PIK3CB: variants seen among roughly 807,000 people sequenced by gnomAD.
PIK3CB encodes phosphatidylinositol 4,5-bisphosphate 3-kinase catalytic subunit beta isoform.
A neutral mutation model predicts 136.8 loss-of-function variants in PIK3CB; 39 were observed. That is an observed-to-expected ratio of 0.29 (90% confidence interval 0.22 to 0.37). The LOEUF (loss-of-function observed/expected upper bound fraction) is 0.37. Ranked by LOEUF, PIK3CB falls within the 10% of genes least tolerant of loss-of-function variation. The pLI, the probability that PIK3CB is intolerant of heterozygous loss-of-function variation, is 1.00. For missense variants in PIK3CB, 868 were observed against 1,275.4 expected (o/e 0.68, Z 4.87); for synonymous variants, 428 against 436.6 (o/e 0.98, Z 0.25).
intron 2 of PIK3CB, among the ~76,000 whole-genome samples, chr3:138,788,616 C>T (rs2108807218): frequency 7.3e-6 from 1 of 136,310 alleles, no homozygotes; most frequent in Non-Finnish European, 1.5e-5. Flanking sequence ...GAGATCATGC[C>T]ACTGCACTCA....
At chr3:138,773,608 G>GA (rs539444150) in intron 2 of PIK3CB, among the ~76,000 whole-genome samples, 2 of 151,746 alleles carry the variant, frequency 1.3e-5, no homozygotes, top group East Asian at 1.9e-4. Flanking sequence ...CCTTGAAATG[G>GA]AAAAAAAATT....
intron 11 of PIK3CB, 40 bp downstream of exon 11, chr3:138,707,119 A>G (rs760713200): frequency 8.5e-7 from 1 of 1,178,898 alleles, no homozygotes; most frequent in Admixed American, 1.7e-5. Context: ...TGATCATTCA[A>G]TCATTTCATG....
At chr3:138,669,327 G>A (rs978021654) in intron 19 of PIK3CB, among the ~76,000 whole-genome samples, 1 of 143,852 alleles carries the variant, frequency 7.0e-6, no homozygotes, top group African/African-American at 2.6e-5. Flanking sequence ...AAGATCACCT[G>A]AGCCCAAGGA....
chr3:138,762,085 A>G (rs1288062377), intron 2 of PIK3CB, among the ~76,000 whole-genome samples: 1 of 151,708 alleles, frequency 6.6e-6, no homozygotes, highest in Non-Finnish European at 1.5e-5. Context: ...TGTCTCTACT[A>G]AAAATACAAA....
At chr3:138,770,415 A>G (rs912589393) in intron 2 of PIK3CB, 1 of 152,158 alleles carries the variant, frequency 6.6e-6, no homozygotes, top group Non-Finnish European at 1.5e-5. Flanking sequence ...ATATTTAAAA[A>G]GAGATTTTTT....
At position 138,790,731 on chromosome 3, in the gene PIK3CB, G is replaced by A. The variant is rs539962886; in HGVS notation, c.-17+5732C>T. ...CGGGAGGCTGAGGCAGGAGAATGGC[G>A]TGAGCCCAGGAGGCAGAGCTTGCAG... On this transcript the variant is annotated intron_variant, in intron 2 of 23. Coordinates refer to ENST00000674063, the MANE Select transcript of PIK3CB (RefSeq NM_006219.3). Among the ~76,000 whole-genome samples, 6 of 150,876 alleles carry A rather than the reference G, an allele frequency of 4.0e-5. No homozygotes were observed. The East Asian group carries it at 5.9e-4, about 15-fold the overall frequency.
chr3:138,826,063 C>A (rs1933771414), intron 1 of PIK3CB: 1 of 1,187,096 alleles, frequency 8.4e-7, no homozygotes, highest in Non-Finnish European at 1.2e-6. Flanking sequence ...AGTTTGCTGA[C>A]CTGAAGGAAA....
At chr3:138,785,134 G>A (rs1474489837) in intron 2 of PIK3CB, among the ~76,000 whole-genome samples, 56 of 150,692 alleles carry the variant, frequency 3.7e-4, no homozygotes, top group African/African-American at 6.6e-4. Context: ...CGCCCCGTCC[G>A]GGAGGGAGAT....
At chr3:138,734,162 T>C (rs2045051468) in intron 7 of PIK3CB, among the ~76,000 whole-genome samples, 1 of 152,134 alleles carries the variant, frequency 6.6e-6, no homozygotes, top group South Asian at 2.1e-4. Context: ...TTTATACAAA[T>C]ATATTACATT....
intron 4 of PIK3CB, among the ~76,000 whole-genome samples, chr3:138,753,464 T>C (rs1196493574): frequency 6.6e-6 from 1 of 152,126 alleles, no homozygotes; most frequent in Non-Finnish European, 1.5e-5. Context: ...GAGGTTGCAG[T>C]GAGTCAAGAT....
At chr3:138,677,979 A>T (rs1284293987) in intron 19 of PIK3CB, among the ~76,000 whole-genome samples, 1 of 152,176 alleles carries the variant, frequency 6.6e-6, no homozygotes, top group Non-Finnish European at 1.5e-5. Context: ...GTATATAAAG[A>T]TTCTATATAA....
At chr3:138,789,013 T>G (rs1214280164) in intron 2 of PIK3CB, among the ~76,000 whole-genome samples, 32 of 135,100 alleles carry the variant, frequency 2.4e-4, no homozygotes, top group African/African-American at 8.4e-4. Context: ...CACCACAGAG[T>G]TTTTTTTTTA....
chr3:138,782,247 C>T (rs2045931029), intron 2 of PIK3CB, among the ~76,000 whole-genome samples: 1 of 152,122 alleles, frequency 6.6e-6, no homozygotes, highest in Admixed American at 6.5e-5. Flanking sequence ...TGTACTCGGG[C>T]CTGGATAAAG....
intron 8 of PIK3CB, among the ~76,000 whole-genome samples, chr3:138,722,698 AAAAAAAACCC>A (rs1377743879): frequency 6.6e-6 from 1 of 151,894 alleles, no homozygotes; most frequent in Admixed American, 6.6e-5. Flanking sequence ...AAGCTCAAAA[AAAAAAAACCC>A]AAAAAACCCT....
intron 12 of PIK3CB, among the ~76,000 whole-genome samples, chr3:138,701,213 T>TAA (rs563918379): frequency 1.5e-5 from 2 of 135,846 alleles, no homozygotes; most frequent in African/African-American, 2.7e-5. Context: ...CATTAAAGAT[T>TAA]AAAAAAAAAA....
intron 4 of PIK3CB, among the ~76,000 whole-genome samples, chr3:138,753,729 C>T (rs1224127395): frequency 1.3e-5 from 2 of 151,896 alleles, no homozygotes; most frequent in African/African-American, 4.8e-5. Flanking sequence ...TCACTTAAGC[C>T]TGGGAGGTTG....
At chr3:138,744,854 AGTT>A (rs1262556280) in intron 4 of PIK3CB, among the ~76,000 whole-genome samples, 1 of 152,156 alleles carries the variant, frequency 6.6e-6, no homozygotes. Context: ...ATCTCCATGA[AGTT>A]GTTTTCTGTT....
Position 138,687,820 on chromosome 3 carries a change from G to A in PIK3CB, c.2136+1055C>T, listed in dbSNP as rs58886202. ...TAGAATGTTGGGGGAGATGTAGGAA[G>A]GGAAACACGGGGTACAATTTAGATA... On this transcript the variant is annotated intron_variant, in intron 16 of 23. Transcript: ENST00000674063. Among the ~76,000 whole-genome samples, 584 of 152,240 alleles carry A rather than the reference G, an allele frequency of 3.8e-3. 4 individuals are homozygous for A. Among genetic ancestry groups the A allele is most frequent in the African/African-American group, 0.014 (564 of 41,558 alleles).
chr3:138,796,426 T>C (rs1037183440), intron 2 of PIK3CB, 37 bp downstream of exon 2: 9 of 141,056 alleles, frequency 6.4e-5, no homozygotes, highest in Admixed American at 2.8e-4. Flanking sequence ...CTCTAACCAA[T>C]ATATAAGTAA....
Sources: gnomAD v4.1 joint callset for allele counts (sites outside exome capture counted in the v4.1 genomes callset) on GRCh38, gnomAD v4.1.1 for gene constraint, MANE v1.5 for transcripts, NCBI Gene and HGNC (gene_info 2026-07-23, HGNC 2026-07-21) for gene names.